Variants in CDK15 observed in about 807,000 individuals in gnomAD.
The protein encoded by CDK15 is cyclin-dependent kinase 15.
A neutral mutation model predicts 60.3 loss-of-function variants in CDK15; 62 were observed. The ratio of observed to expected loss-of-function variants is 1.03; its 90% CI spans 0.84 to 1.27. CDK15 has a LOEUF of 1.27. CDK15 is among the 50% of genes most tolerant of loss of function. The probability of loss-of-function intolerance (pLI) is 0.00; values close to 1 mark genes in which losing one functional copy is unlikely to be tolerated. For synonymous variants in CDK15, 194 were observed against 195.7 expected, an observed-to-expected ratio of 0.99 and a Z score of 0.07; for missense variants, 541 against 527.8, an observed-to-expected ratio of 1.03 and a Z score of -0.25.
At chr2:201,886,055 C>T (rs1423595432) in intron 12 of CDK15, among the ~76,000 whole-genome samples, 1 of 152,158 alleles carries the variant, frequency 6.6e-6, no homozygotes, top group Non-Finnish European at 1.5e-5. Context: ...AACTTAGCTG[C>T]AAAATCAAGA....
chr2:201,860,677 C>A, intron 10 of CDK15: 1 of 1,347,414 alleles, frequency 7.4e-7, no homozygotes, highest in Non-Finnish European at 9.8e-7. Context: ...GTACCATAAG[C>A]GACAGGCCAA....
intron 11 of CDK15, among the ~76,000 whole-genome samples, chr2:201,876,082 C>T (rs1699067695): frequency 6.6e-6 from 1 of 152,128 alleles, no homozygotes; most frequent in African/African-American, 2.4e-5. Flanking sequence ...TCACATTTAC[C>T]TTGGAAAGGT....
intron 3 of CDK15, among the ~76,000 whole-genome samples, chr2:201,811,717 G>C (rs1250701931): frequency 6.6e-6 from 1 of 152,144 alleles, no homozygotes; most frequent in Non-Finnish European, 1.5e-5. Flanking sequence ...TTAGAAGCCC[G>C]CTGCAAGAAT....
intron 12 of CDK15, among the ~76,000 whole-genome samples, chr2:201,888,205 T>C (rs1699527766): frequency 6.6e-6 from 1 of 152,032 alleles, no homozygotes; most frequent in East Asian, 1.9e-4. Context: ...GAAGAGTAAA[T>C]GGAGACACCA....
At chr2:201,831,472 T>C (rs1418619573) in intron 6 of CDK15, among the ~76,000 whole-genome samples, 1 of 152,180 alleles carries the variant, frequency 6.6e-6, no homozygotes, top group South Asian at 2.1e-4. Context: ...GATGCAATAA[T>C]TGGTGAAGCT....
chr2:201,834,258 C>A (rs1696909686), intron 7 of CDK15, among the ~76,000 whole-genome samples: 1 of 152,144 alleles, frequency 6.6e-6, no homozygotes, highest in Admixed American at 6.5e-5. Flanking sequence ...GTAAACTGTA[C>A]TTAGTAAGTT....
At chr2:201,874,412 G>A (rs1698995629) in intron 11 of CDK15, among the ~76,000 whole-genome samples, 1 of 152,196 alleles carries the variant, frequency 6.6e-6, no homozygotes, top group African/African-American at 2.4e-5. Context: ...CTAGCAGGGT[G>A]CTACATATAT....
Position 201,872,302 on chromosome 2 carries a change from G to A in CDK15, c.1034G>A (p.Arg345Gln), listed in dbSNP as rs571966218. The change falls in exon 11 of 14, where the codon CGA becomes CAA. Residue 345 changes from arginine to glutamine, a missense_variant. Coordinates refer to ENST00000652192, the MANE Select transcript of CDK15 (RefSeq NM_001366386.2). ...NPEWFPLPTP[R>Q]SLHVVWNRLG... ...GAATGGTTCCCACTGCCTACGCCTCGAAGCCTTCATGTTGTCTGGAACAGG... is the reference window on the plus strand; with the variant it reads ...GAATGGTTCCCACTGCCTACGCCTCAAAGCCTTCATGTTGTCTGGAACAGG... The A allele has an allele frequency of 8.4e-5, 135 of 1,613,948 alleles. 1 individual carries two copies. In the South Asian group the frequency reaches 9.8e-4, roughly 12 times the overall value.
chr2:201,884,277 C>T (rs910223127), intron 12 of CDK15, among the ~76,000 whole-genome samples: 1 of 152,144 alleles, frequency 6.6e-6, no homozygotes, highest in African/African-American at 2.4e-5. Flanking sequence ...GACTAAATCC[C>T]CTTCTCCTTT....
chr2:201,851,787 G>A (rs1261834190), intron 9 of CDK15, among the ~76,000 whole-genome samples: 4 of 152,028 alleles, frequency 2.6e-5, no homozygotes, highest in Admixed American at 2.0e-4. Context: ...AGCTTCCCAA[G>A]TAGCTGGGAT....
rs1454021212 is a variant in CDK15, at chr2:201,895,314, ATT to A, written c.*2050_*2051del. The A allele has an allele frequency of 6.6e-6, 1 of 152,232 alleles. No homozygotes were observed. The highest frequency in any genetic ancestry group is 2.4e-5 in the African/African-American group (1 of 41,462). 9.4% of individuals were successfully genotyped at this position (152,232 alleles called of 1,614,324 possible). On this transcript the variant is annotated 3_prime_UTR_variant, in exon 14 of 14. Coordinates refer to ENST00000652192, the MANE Select transcript of CDK15 (RefSeq NM_001366386.2). ...TATTGCTGCAGGAATGAATAGACAA[ATT>A]TTGTTATTAAAAAATTGATTTTATT...
chr2:201,824,457 T>C (rs764234188), intron 6 of CDK15: 6 of 162,614 alleles, frequency 3.7e-5, no homozygotes, highest in Admixed American at 2.6e-4. Context: ...TTCTGTTTCT[T>C]ATTTTCAATG....
At chr2:201,873,960 A>G (rs964606165) in intron 11 of CDK15, among the ~76,000 whole-genome samples, 1 of 150,438 alleles carries the variant, frequency 6.6e-6, no homozygotes, top group Admixed American at 6.6e-5. Flanking sequence ...AGGCTGAGGC[A>G]TGAGAATCGC....
In CDK15 at chr2:201,854,953, G is replaced by A; in HGVS notation, c.1009+16G>A. On this transcript the variant is annotated intron_variant, in intron 10 of 13. Coordinates refer to ENST00000652192, the MANE Select transcript of CDK15 (RefSeq NM_001366386.2). ...TACAATCCAGGTAATATTGATCTGA[G>A]CTTCTGAATACTCTGAGAATTAGTA... 6.2e-7 allele frequency: 1 copy of A among 1,612,028 alleles called. No individual in the cohort carries two copies. The highest frequency in any genetic ancestry group is 1.1e-5 in the South Asian group (1 of 90,986).
intron 4 of CDK15, among the ~76,000 whole-genome samples, chr2:201,821,847 A>C (rs1195058556): frequency 6.6e-6 from 1 of 151,592 alleles, no homozygotes; most frequent in Non-Finnish European, 1.5e-5. Flanking sequence ...CGCCCGGCTA[A>C]TTTTTGTATT....
rs184401196 is a variant in CDK15, at chr2:201,840,350, T to C, written c.851+4587T>C. Among the ~76,000 whole-genome samples, 404 of 152,334 alleles carry C rather than the reference T, an allele frequency of 2.7e-3. 4 individuals carry two copies. Among genetic ancestry groups the C allele is most frequent in the African/African-American group, 9.4e-3 (390 of 41,574 alleles). ...ATCCAAATCTTCTTTATATTATTTTTGTCTTTTTAACCTACCAATGAAAGG... is the reference window on the plus strand; with the variant it reads ...ATCCAAATCTTCTTTATATTATTTTCGTCTTTTTAACCTACCAATGAAAGG... On this transcript the variant is annotated intron_variant, in intron 8 of 13. Coordinates refer to ENST00000652192, the MANE Select transcript of CDK15 (RefSeq NM_001366386.2).
intron 3 of CDK15, among the ~76,000 whole-genome samples, chr2:201,810,092 CA>C (rs1191412829): frequency 6.6e-6 from 1 of 151,528 alleles, no homozygotes; most frequent in African/African-American, 2.4e-5. Context: ...ACATATTTGC[CA>C]AAAAACTTTT....
intron 8 of CDK15, among the ~76,000 whole-genome samples, chr2:201,846,036 A>C (rs994007868): frequency 1.3e-5 from 2 of 152,152 alleles, no homozygotes; most frequent in Non-Finnish European, 2.9e-5. Flanking sequence ...TGTATGAAAG[A>C]AAATTTACAT....
At chr2:201,826,230 G>A (rs1483477865) in intron 6 of CDK15, among the ~76,000 whole-genome samples, 1 of 152,082 alleles carries the variant, frequency 6.6e-6, no homozygotes, top group African/African-American at 2.4e-5. Context: ...GGAGGCCGAG[G>A]CGGGTGGATC....
Sources: allele counts gnomAD v4.1 joint callset (sites outside exome capture counted in the v4.1 genomes callset), GRCh38; gene constraint gnomAD v4.1.1; transcripts MANE v1.5; gene names NCBI Gene and HGNC (gene_info 2026-07-23, HGNC 2026-07-21).